Variants in CDH12 observed in about 807,000 individuals in gnomAD.
CDH12 encodes cadherin-12.
In CDH12, 41 loss-of-function variants were observed where a neutral mutation model predicts 74.1. The ratio of observed to expected loss-of-function variants is 0.55; its 90% CI spans 0.43 to 0.72. The LOEUF is 0.72. Among genes scored for constraint, CDH12 ranks in the 30% least tolerant of loss-of-function variants. CDH12 has a pLI of 0.00. For missense variants in CDH12, 945 were observed against 977.2 expected, an observed-to-expected ratio of 0.97 and a Z score of 0.44; for synonymous variants, 399 against 355.0, an observed-to-expected ratio of 1.12 and a Z score of -1.39.
At position 22,804,585 on chromosome 5, in the gene CDH12, C is replaced by A. The variant is rs191325614; in HGVS notation, c.-523+48473G>T. Among the ~76,000 whole-genome samples, 43 of 152,254 alleles carry A rather than the reference C, an allele frequency of 2.8e-4. No homozygotes were observed. In the East Asian group the frequency reaches 7.0e-3, roughly 25 times the overall value. ...TTGATGCCTCAGCCTTGAGGTAGAC[C>A]ACCTTCTCTGGGAAACCCATTTTTG... On this transcript the variant is annotated intron_variant, in intron 1 of 14. Transcript: ENST00000382254.
chr5:21,985,505 T>C (rs908090247), intron 5 of CDH12, among the ~76,000 whole-genome samples: 4 of 152,156 alleles, frequency 2.6e-5, no homozygotes, highest in African/African-American at 9.6e-5. Context: ...TTGAAATCTA[T>C]GATTATAAGT....
intron 5 of CDH12, among the ~76,000 whole-genome samples, chr5:22,039,036 G>C (rs557643040): frequency 5.6e-4 from 85 of 152,210 alleles, no homozygotes; most frequent in Non-Finnish European, 1.1e-3. Flanking sequence ...GCCCCAACAG[G>C]GTTCAAGCAA....
At chr5:21,885,245 T>C (rs576979433) in intron 6 of CDH12, among the ~76,000 whole-genome samples, 1 of 152,258 alleles carries the variant, frequency 6.6e-6, no homozygotes, top group South Asian at 2.1e-4. Context: ...CACAACAGTA[T>C]GAGAAAGTAA....
intron 6 of CDH12, chr5:21,883,424 T>G: frequency 6.3e-7 from 1 of 1,585,240 alleles, no homozygotes; most frequent in Non-Finnish European, 8.7e-7. Flanking sequence ...CTGAAGATGT[T>G]GATGGAGAAG....
intron 3 of CDH12, among the ~76,000 whole-genome samples, chr5:22,356,457 T>C (rs1740566354): frequency 6.6e-6 from 1 of 152,134 alleles, no homozygotes; most frequent in South Asian, 2.1e-4. Context: ...GTCCTTGGGA[T>C]TTAAATACAA....
intron 3 of CDH12, among the ~76,000 whole-genome samples, chr5:22,231,971 C>G (rs1752402054): frequency 6.6e-6 from 1 of 151,764 alleles, no homozygotes; most frequent in African/African-American, 2.4e-5. Context: ...AAGAATACAA[C>G]TATTTTCGAA....
At chr5:22,801,667 A>ATATATG (rs1456712753) in intron 1 of CDH12, among the ~76,000 whole-genome samples, 4 of 119,842 alleles carry the variant, frequency 3.3e-5, no homozygotes, top group Non-Finnish European at 6.4e-5. Flanking sequence ...ATATATATAT[A>ATATATG]TATATATATA....
intron 3 of CDH12, 40 bp downstream of exon 3, chr5:22,405,217 T>TA (rs1373697451): frequency 3.4e-6 from 2 of 594,522 alleles, no homozygotes; most frequent in Non-Finnish European, 4.2e-6. Context: ...TTAAAAAAAA[T>TA]AAAAAATAAA....
At position 21,975,290 on chromosome 5, in the gene CDH12, C is replaced by T. The variant is rs371214314; in HGVS notation, c.327G>A (p.Gly109=). 2.9e-4 allele frequency: 466 copies of T among 1,596,930 alleles called. 8 individuals are homozygous for T. The South Asian group carries it at 4.5e-3, about 15-fold the overall frequency. The change falls in exon 6 of 15, where the codon GGG becomes GGA. Residue 109 remains glycine (G), a synonymous_variant. Coordinates refer to ENST00000382254, the MANE Select transcript of CDH12 (RefSeq NM_004061.5). The stretch of plus-strand genomic sequence containing the variant: ...CTAGGCTCCTTATTGCATGAATGTC[C>T]CCTGTGGTTTCATCAATGGTAAAAA... The part of the protein sequence containing the change: ...GTVFTIDETT[G]DIHAIRSLDR...
At chr5:21,926,956 C>A (rs555106534) in intron 6 of CDH12, among the ~76,000 whole-genome samples, 1 of 152,192 alleles carries the variant, frequency 6.6e-6, no homozygotes, top group South Asian at 2.1e-4. Context: ...AGAAAAGGAA[C>A]GTTTTTAAGA....
At position 22,095,600 on chromosome 5, in the gene CDH12, AC is replaced by A. The variant is rs1373051238; in HGVS notation, c.-186-16739del. On this transcript the variant is annotated intron_variant, in intron 4 of 14. Coordinates refer to ENST00000382254, the MANE Select transcript of CDH12 (RefSeq NM_004061.5). Reference sequence around the variant, plus strand: ...TTCTCTGCTTTTCTGGGGGGCAAGAACCCCCCAATCCCTTCTCCTTCACCCT... The same window carrying A: ...TTCTCTGCTTTTCTGGGGGGCAAGAACCCCCAATCCCTTCTCCTTCACCCT... Among the ~76,000 whole-genome samples, 4 of 150,960 alleles carry A rather than the reference AC, an allele frequency of 2.6e-5. No individual in the cohort carries two copies. The East Asian group carries it at 7.8e-4, about 30-fold the overall frequency.
In CDH12 at chr5:22,523,986, T is replaced by A. The variant is rs937869443; in HGVS notation, c.-522-18622A>T. Among the ~76,000 whole-genome samples the A allele has an allele frequency of 7.8e-3, 1,159 of 147,978 alleles. 10 individuals carry two copies. Among genetic ancestry groups the A allele is most frequent in the African/African-American group, 0.025 (998 of 39,614 alleles). ...TTCATTCATTTATTATTATTATTTT[T>A]TTTTTTTTTTTTTGAGACAAGGTTT... On this transcript the variant is annotated intron_variant, in intron 1 of 14. Coordinates refer to ENST00000382254, the MANE Select transcript of CDH12 (RefSeq NM_004061.5).
intron 6 of CDH12, among the ~76,000 whole-genome samples, chr5:21,931,250 G>GA (rs1050977466): frequency 1.3e-5 from 2 of 150,754 alleles, no homozygotes; most frequent in Non-Finnish European, 3.0e-5. Flanking sequence ...TGTGATAGAG[G>GA]AAAAAAAAGC....
chr5:22,626,349 G>T (rs947740249), intron 1 of CDH12, among the ~76,000 whole-genome samples: 8 of 152,166 alleles, frequency 5.3e-5, no homozygotes, highest in Non-Finnish European at 1.5e-5. Context: ...TCATCAGAAT[G>T]TTGGGGCTAG....
chr5:22,439,436 G>A (rs1181541978), intron 2 of CDH12, among the ~76,000 whole-genome samples: 1 of 151,994 alleles, frequency 6.6e-6, no homozygotes, highest in Admixed American at 6.6e-5. Context: ...CAATTTCTAT[G>A]CTATAAAATT....
Position 22,640,980 on chromosome 5 carries a change from T to C in CDH12, c.-522-135616A>G, listed in dbSNP as rs182805801. Among the ~76,000 whole-genome samples, 553 of 152,328 alleles carry C rather than the reference T, an allele frequency of 3.6e-3. 1 individual carries two copies. Among genetic ancestry groups the C allele is most frequent in the African/African-American group, 0.01 (426 of 41,570 alleles). On this transcript the variant is annotated intron_variant, in intron 1 of 14. Transcript: ENST00000382254. The stretch of plus-strand genomic sequence containing the variant: ...ACATTTTCAAGCTTTCTGATGTGCC[T>C]TCTGCCAACTTCCCCCACTTCACTT...
chr5:22,267,891 G>A (rs1054146079), intron 3 of CDH12, among the ~76,000 whole-genome samples: 1 of 152,056 alleles, frequency 6.6e-6, no homozygotes, highest in African/African-American at 2.4e-5. Context: ...GGCTTCTTTT[G>A]CATGTGACAA....
At chr5:22,657,268 G>T (rs1740095034) in intron 1 of CDH12, among the ~76,000 whole-genome samples, 1 of 152,110 alleles carries the variant, frequency 6.6e-6, no homozygotes, top group South Asian at 2.1e-4. Context: ...ATTGGAAATG[G>T]GTACGAGGAT....
At chr5:22,440,648 A>G (rs561711505) in intron 2 of CDH12, among the ~76,000 whole-genome samples, 5 of 152,104 alleles carry the variant, frequency 3.3e-5, no homozygotes, top group Non-Finnish European at 7.4e-5. Flanking sequence ...GCCTTTTTCT[A>G]TTTTCTAGAA....
Sources: allele counts gnomAD v4.1 joint callset (sites outside exome capture counted in the v4.1 genomes callset), GRCh38; gene constraint gnomAD v4.1.1; transcripts MANE v1.5; gene names NCBI Gene and HGNC (gene_info 2026-07-23, HGNC 2026-07-21).